Variants in SGCZ observed in about 807,000 individuals in gnomAD.
SGCZ encodes the protein zeta-sarcoglycan.
SGCZ carries 40 observed loss-of-function variants against 41.3 expected under a neutral mutation model. That is an observed-to-expected ratio of 0.97 (90% confidence interval 0.75 to 1.26). The LOEUF (loss-of-function observed/expected upper bound fraction) is 1.26, where lower values mean the gene tolerates loss of function less well. Among genes scored for constraint, SGCZ ranks in the 50% most tolerant of loss-of-function variants. The pLI is 0.00. For missense variants in SGCZ, 552 were observed against 369.8 expected (o/e 1.49, Z -4.04); for synonymous variants, 206 against 137.5 (o/e 1.50, Z -3.49).
intron 1 of SGCZ, among the ~76,000 whole-genome samples, chr8:14,654,603 G>A (rs1476683341): frequency 2.0e-5 from 3 of 151,812 alleles, no homozygotes; most frequent in Non-Finnish European, 4.4e-5. Flanking sequence ...ACAGAGTCTC[G>A]CTCTGTCGCC....
intron 1 of SGCZ, among the ~76,000 whole-genome samples, chr8:14,780,456 A>G (rs1358276723): frequency 6.6e-6 from 1 of 152,180 alleles, no homozygotes; most frequent in African/African-American, 2.4e-5. Flanking sequence ...TTGAACCTAA[A>G]GAATTTCATA....
At chr8:15,051,136 CT>C (rs1202867747) in intron 1 of SGCZ, among the ~76,000 whole-genome samples, 5 of 152,090 alleles carry the variant, frequency 3.3e-5, no homozygotes, top group African/African-American at 1.2e-4. Context: ...CCTTCTTCAC[CT>C]GCAGAAATTC....
At chr8:14,644,803 C>G (rs2117438826) in intron 1 of SGCZ, among the ~76,000 whole-genome samples, 1 of 151,742 alleles carries the variant, frequency 6.6e-6, no homozygotes, top group Non-Finnish European at 1.5e-5. Flanking sequence ...AATGAGATTA[C>G]CAACTAATTC....
chr8:14,891,232 A>G (rs75904972), intron 1 of SGCZ, among the ~76,000 whole-genome samples: 1 of 152,220 alleles, frequency 6.6e-6, no homozygotes, highest in African/African-American at 2.4e-5. Context: ...GAATCTGGGC[A>G]TAGTAAACTG....
rs555794607 is a variant in SGCZ at position 14,874,978 on chromosome 8, T to C, written c.40-320052A>G. ...CTGACCTAATCAGGTGCATCAGCTC[T>C]TAAAAAGGACTCAGATCTTCCTGGA... is the stretch of plus-strand genomic sequence containing the variant. On this transcript the variant is annotated intron_variant, in intron 1 of 7. Transcript: ENST00000382080. Among the ~76,000 whole-genome samples the C allele has an allele frequency of 3.3e-5, 5 of 152,286 alleles. No homozygotes were observed. In the East Asian group the frequency reaches 9.7e-4, roughly 29 times the overall value.
chr8:15,158,616 T>C (rs959000422), intron 1 of SGCZ, among the ~76,000 whole-genome samples: 4 of 152,236 alleles, frequency 2.6e-5, no homozygotes, highest in African/African-American at 7.2e-5. Context: ...TAGAAATTCA[T>C]TTGGAACTTA....
intron 1 of SGCZ, among the ~76,000 whole-genome samples, chr8:14,974,182 G>T (rs549715620): frequency 2.0e-5 from 3 of 152,018 alleles, no homozygotes; most frequent in Non-Finnish European, 4.4e-5. Flanking sequence ...TGTAGAAAAG[G>T]ATACAATTAG....
intron 1 of SGCZ, among the ~76,000 whole-genome samples, chr8:15,102,879 G>A (rs995631723): frequency 1.3e-5 from 2 of 151,892 alleles, no homozygotes; most frequent in Non-Finnish European, 2.9e-5. Context: ...CACTTACCAG[G>A]AACTCTTTAG....
chr8:14,875,383 T>G (rs182217466), intron 1 of SGCZ, among the ~76,000 whole-genome samples: 1 of 152,204 alleles, frequency 6.6e-6, no homozygotes, highest in East Asian at 1.9e-4. Context: ...AAGGACTAGG[T>G]CTCAACATGA....
At chr8:14,631,712 T>C (rs1189640860) in intron 1 of SGCZ, among the ~76,000 whole-genome samples, 1 of 152,140 alleles carries the variant, frequency 6.6e-6, no homozygotes, top group African/African-American at 2.4e-5. Context: ...GGATAGGCTT[T>C]ATCTACCATT....
At chr8:15,163,288 C>T (rs1435766883) in intron 1 of SGCZ, among the ~76,000 whole-genome samples, 1 of 152,184 alleles carries the variant, frequency 6.6e-6, no homozygotes, top group East Asian at 1.9e-4. Flanking sequence ...GAGGTAGACA[C>T]AAAAATTAGT....
At chr8:14,377,681 C>T (rs1190590621) in intron 2 of SGCZ, among the ~76,000 whole-genome samples, 3 of 151,268 alleles carry the variant, frequency 2.0e-5, no homozygotes, top group South Asian at 2.1e-4. Context: ...CCTCCCCACT[C>T]CCCCCACCCC....
intron 1 of SGCZ, among the ~76,000 whole-genome samples, chr8:14,575,808 A>G (rs1804689489): frequency 6.6e-6 from 1 of 150,806 alleles, no homozygotes; most frequent in Non-Finnish European, 1.5e-5. Context: ...TTGGAGGCTG[A>G]GGCAGGAGAA....
At chr8:14,259,591 T>C (rs1021199019) in intron 3 of SGCZ, among the ~76,000 whole-genome samples, 1 of 132,930 alleles carries the variant, frequency 7.5e-6, no homozygotes, top group Non-Finnish European at 1.7e-5. Context: ...TGCTTGTTTT[T>C]GTCAGGTTTG....
At chr8:15,123,646 T>C (rs1807567952) in intron 1 of SGCZ, among the ~76,000 whole-genome samples, 1 of 152,212 alleles carries the variant, frequency 6.6e-6, no homozygotes. Context: ...ATCCCATCAA[T>C]TTAGTCAATA....
chr8:15,037,150 C>T (rs983992870), intron 1 of SGCZ, among the ~76,000 whole-genome samples: 11 of 152,120 alleles, frequency 7.2e-5, no homozygotes, highest in Non-Finnish European at 1.6e-4. Flanking sequence ...ACACAAATCT[C>T]ATCATGAATT....
chr8:14,407,922 T>C (rs1799255516), intron 2 of SGCZ, among the ~76,000 whole-genome samples: 3 of 152,198 alleles, frequency 2.0e-5, no homozygotes, highest in Admixed American at 2.0e-4. Context: ...CTCACGTTTT[T>C]GCTTTTCACT....
chr8:14,293,434 C>T (rs919034856), intron 3 of SGCZ, among the ~76,000 whole-genome samples: 4 of 151,978 alleles, frequency 2.6e-5, no homozygotes, highest in Non-Finnish European at 4.4e-5. Context: ...CTAAATGTCT[C>T]ATGTCCACCT....
chr8:14,187,746 G>A (rs1254247967), intron 4 of SGCZ, among the ~76,000 whole-genome samples: 1 of 152,074 alleles, frequency 6.6e-6, no homozygotes, highest in East Asian at 1.9e-4. Flanking sequence ...GAATACCGGA[G>A]TAGAGGAAAG....
Sources: allele counts gnomAD v4.1 joint callset (sites outside exome capture counted in the v4.1 genomes callset), GRCh38; gene constraint gnomAD v4.1.1; transcripts MANE v1.5; gene names NCBI Gene and HGNC (gene_info 2026-07-23, HGNC 2026-07-21).